The following LRP1B variants were observed in gnomAD, a reference collection of about 807,000 sequenced individuals.
LRP1B encodes the protein low-density lipoprotein receptor-related protein 1B.
In LRP1B, 217 loss-of-function variants were observed where a neutral mutation model predicts 556.6. That is an observed-to-expected ratio of 0.39 (90% confidence interval 0.35 to 0.44). LRP1B has a LOEUF of 0.44. Among genes scored for constraint, LRP1B ranks in the 20% least tolerant of loss-of-function variants. LRP1B has a pLI of 1.00. For missense variants in LRP1B, 5,053 were observed against 5,620.8 expected (o/e 0.90, Z 3.23); for synonymous variants, 2,047 against 1,865.8 (o/e 1.10, Z -2.50).
intron 1 of LRP1B, among the ~76,000 whole-genome samples, chr2:141,952,696 C>G (rs1468761419): frequency 6.6e-6 from 1 of 152,134 alleles, no homozygotes; most frequent in Non-Finnish European, 1.5e-5. Context: ...AAATTGCACT[C>G]TTAAAAGGTA....
intron 18 of LRP1B, among the ~76,000 whole-genome samples, chr2:140,976,439 T>C (rs567452496): frequency 1.3e-5 from 2 of 151,740 alleles, no homozygotes; most frequent in Non-Finnish European, 2.9e-5. Flanking sequence ...AAATGAGTAA[T>C]GTTAACTTTG....
intron 79 of LRP1B, among the ~76,000 whole-genome samples, chr2:140,333,247 C>A (rs567561973): frequency 6.6e-6 from 1 of 152,192 alleles, no homozygotes; most frequent in African/African-American, 2.4e-5. Flanking sequence ...CAGATAACTT[C>A]TCTGATCATA....
chr2:141,635,627 G>T (rs1398197489), intron 2 of LRP1B, among the ~76,000 whole-genome samples: 2 of 152,146 alleles, frequency 1.3e-5, no homozygotes, highest in African/African-American at 2.4e-5. Context: ...TTTGACAAAT[G>T]AAATATGTCT....
chr2:141,234,521 C>T lies in LRP1B; in HGVS notation c.593-5081G>A, dbSNP rs1351520365. On this transcript the variant is annotated intron_variant, in intron 5 of 90. Transcript: ENST00000389484. ...TCTCCTGAGTAGCTGGGACTACACACTTGCACCACCATGCCCGATTAATTT... is the reference window on the plus strand; with the variant it reads ...TCTCCTGAGTAGCTGGGACTACACATTTGCACCACCATGCCCGATTAATTT... Among the ~76,000 whole-genome samples the T allele has an allele frequency of 2.0e-5, 3 of 152,140 alleles. No individual in the cohort carries two copies. The East Asian group carries it at 5.8e-4, about 29-fold the overall frequency.
chr2:141,510,275 A>G (rs932943174), intron 2 of LRP1B, among the ~76,000 whole-genome samples: 3 of 151,758 alleles, frequency 2.0e-5, no homozygotes, highest in African/African-American at 7.3e-5. Context: ...ATATATACAC[A>G]TATACGTATG....
At chr2:141,286,779 A>G (rs1338413905) in intron 3 of LRP1B, 2 of 430,602 alleles carry the variant, frequency 4.6e-6, no homozygotes, top group African/African-American at 4.0e-5. Flanking sequence ...TGTACATTGT[A>G]CAAGTGTATA....
intron 2 of LRP1B, among the ~76,000 whole-genome samples, chr2:141,482,721 A>G (rs563614567): frequency 2.6e-5 from 4 of 152,092 alleles, no homozygotes; most frequent in Middle Eastern, 3.2e-3. Flanking sequence ...ATCATAAAGT[A>G]GCTTTTTAAA....
chr2:141,292,883 C>G (rs1268035774), intron 3 of LRP1B, among the ~76,000 whole-genome samples: 1 of 152,098 alleles, frequency 6.6e-6, no homozygotes, highest in Non-Finnish European at 1.5e-5. Flanking sequence ...CTAAGGAAAT[C>G]TGAATAATGC....
At chr2:140,910,487 C>A (rs1359745456) in intron 21 of LRP1B, among the ~76,000 whole-genome samples, 1 of 151,622 alleles carries the variant, frequency 6.6e-6, no homozygotes, top group Non-Finnish European at 1.5e-5. Context: ...ATATTTTATT[C>A]CATATTGCAA....
intron 2 of LRP1B, among the ~76,000 whole-genome samples, chr2:141,697,672 G>T (rs1257254119): frequency 6.6e-6 from 1 of 151,910 alleles, no homozygotes; most frequent in Non-Finnish European, 1.5e-5. Context: ...GCTGCATGTA[G>T]TGCTACTCAG....
chr2:141,990,173 T>A (rs1265739095), intron 1 of LRP1B, among the ~76,000 whole-genome samples: 1 of 152,038 alleles, frequency 6.6e-6, no homozygotes, highest in Non-Finnish European at 1.5e-5. Flanking sequence ...TTTTACCAAC[T>A]GACGTGAAAC....
At chr2:141,149,049 C>T (rs1053642640) in intron 7 of LRP1B, among the ~76,000 whole-genome samples, 1 of 151,820 alleles carries the variant, frequency 6.6e-6, no homozygotes, top group Non-Finnish European at 1.5e-5. Context: ...AGATCTCTGT[C>T]CCCCAGGTGG....
chr2:140,735,173 C>T (rs760518112), intron 35 of LRP1B, among the ~76,000 whole-genome samples: 9 of 151,962 alleles, frequency 5.9e-5, no homozygotes, highest in African/African-American at 1.2e-4. Flanking sequence ...GCCATCCACA[C>T]GATGTGCAAT....
intron 2 of LRP1B, among the ~76,000 whole-genome samples, chr2:141,799,911 G>T (rs1373392315): frequency 6.6e-6 from 1 of 151,682 alleles, no homozygotes; most frequent in African/African-American, 2.4e-5. Flanking sequence ...AACTTCATGT[G>T]CATATGTATA....
intron 79 of LRP1B, among the ~76,000 whole-genome samples, chr2:140,326,605 C>T (rs1680493447): frequency 6.6e-6 from 1 of 151,948 alleles, no homozygotes; most frequent in South Asian, 2.1e-4. Context: ...ATTCCAGCTA[C>T]TCCGGAGGCT....
intron 1 of LRP1B, among the ~76,000 whole-genome samples, chr2:141,999,263 G>A (rs1702590616): frequency 6.6e-6 from 1 of 152,076 alleles, no homozygotes. Context: ...ATCATGGCCT[G>A]AACTAGATTT....
At chr2:142,102,015 G>A (rs1031383986) in intron 1 of LRP1B, among the ~76,000 whole-genome samples, 19 of 151,852 alleles carry the variant, frequency 1.3e-4, no homozygotes, top group East Asian at 1.9e-4. Flanking sequence ...GTGCTTTATC[G>A]TCATATCACT....
chr2:140,955,834 T>C (rs1032222998), intron 18 of LRP1B, among the ~76,000 whole-genome samples: 8 of 151,736 alleles, frequency 5.3e-5, no homozygotes, highest in Non-Finnish European at 8.9e-5. Context: ...TAATTCAGGC[T>C]TCTTTCCTGT....
intron 83 of LRP1B, among the ~76,000 whole-genome samples, chr2:140,308,455 G>A (rs990474652): frequency 7.3e-5 from 11 of 151,704 alleles, no homozygotes; most frequent in Middle Eastern, 3.2e-3. Context: ...TTTCTGTGCC[G>A]TAGATACATG....
Sources: gnomAD v4.1 joint callset for allele counts (sites outside exome capture counted in the v4.1 genomes callset) on GRCh38, gnomAD v4.1.1 for gene constraint, MANE v1.5 for transcripts, NCBI Gene and HGNC (gene_info 2026-07-23, HGNC 2026-07-21) for gene names.